PDGFC: variants seen among roughly 807,000 people sequenced by gnomAD.
PDGFC encodes platelet-derived growth factor C.
Under a neutral mutation model 35.5 loss-of-function variants are expected in PDGFC, and 12 were observed. The ratio of observed to expected loss-of-function variants is 0.34; its 90% CI spans 0.22 to 0.55. The LOEUF is 0.55. PDGFC is among the 20% of genes least tolerant of loss of function. The pLI is 0.91. For missense variants in PDGFC, 322 were observed against 412.4 expected (o/e 0.78, Z 1.90); for synonymous variants, 159 against 148.8 (o/e 1.07, Z -0.50).
chr4:156,965,074 G>A (rs1319099209), intron 1 of PDGFC, among the ~76,000 whole-genome samples: 1 of 152,096 alleles, frequency 6.6e-6, no homozygotes, highest in African/African-American at 2.4e-5. Flanking sequence ...CTGCTCACTT[G>A]GTAACATAAT....
chr4:156,889,533 C>T (rs1169555776), intron 1 of PDGFC, among the ~76,000 whole-genome samples: 1 of 152,180 alleles, frequency 6.6e-6, no homozygotes, highest in Non-Finnish European at 1.5e-5. Context: ...AATTGCCATA[C>T]TGCGTTTCTT....
intron 2 of PDGFC, among the ~76,000 whole-genome samples, chr4:156,846,458 G>A (rs1259133633): frequency 6.6e-6 from 1 of 151,600 alleles, no homozygotes; most frequent in Non-Finnish European, 1.5e-5. Flanking sequence ...TCTGTAGAAT[G>A]GTCAGGAATT....
intron 1 of PDGFC, among the ~76,000 whole-genome samples, chr4:156,868,444 A>C (rs935470191): frequency 2.6e-5 from 4 of 152,216 alleles, no homozygotes; most frequent in African/African-American, 9.6e-5. Flanking sequence ...ACCAACATTT[A>C]AAACAACAAA....
At chr4:156,902,944 A>C (rs1730825030) in intron 1 of PDGFC, among the ~76,000 whole-genome samples, 1 of 152,208 alleles carries the variant, frequency 6.6e-6, no homozygotes, top group Admixed American at 6.5e-5. Context: ...TTGGATAAAT[A>C]AAATATCTAG....
At chr4:156,932,465 T>C (rs1397139213) in intron 1 of PDGFC, among the ~76,000 whole-genome samples, 1 of 152,152 alleles carries the variant, frequency 6.6e-6, no homozygotes, top group Non-Finnish European at 1.5e-5. Flanking sequence ...ATTGTGGCAC[T>C]ATTCACAATA....
chr4:156,902,244 A>G (rs1244036203), intron 1 of PDGFC, among the ~76,000 whole-genome samples: 1 of 152,212 alleles, frequency 6.6e-6, no homozygotes, highest in African/African-American at 2.4e-5. Flanking sequence ...CAAATATTTC[A>G]AACAAATAGA....
chr4:156,913,724 T>G (rs1731095326), intron 1 of PDGFC, among the ~76,000 whole-genome samples: 1 of 152,148 alleles, frequency 6.6e-6, no homozygotes, highest in Non-Finnish European at 1.5e-5. Context: ...GGATATGAAG[T>G]GCCTCTCCTC....
chr4:156,902,337 G>A (rs1388186252), intron 1 of PDGFC, among the ~76,000 whole-genome samples: 1 of 152,118 alleles, frequency 6.6e-6, no homozygotes, highest in Non-Finnish European at 1.5e-5. Context: ...ATTTGCTTCA[G>A]AATTTTAAAA....
At chr4:156,927,704 AC>A (rs1731447567) in intron 1 of PDGFC, among the ~76,000 whole-genome samples, 2 of 152,092 alleles carry the variant, frequency 1.3e-5, no homozygotes, top group African/African-American at 4.8e-5. Context: ...TTTTGGCCAA[AC>A]CATTCAATGA....
intron 3 of PDGFC, among the ~76,000 whole-genome samples, chr4:156,775,241 G>GT (rs1269260930): frequency 2.0e-5 from 3 of 152,060 alleles, no homozygotes; most frequent in Non-Finnish European, 4.4e-5. Flanking sequence ...AATTTATGGT[G>GT]TAAAAAGTTA....
chr4:156,784,683 C>T (rs1034371537), intron 3 of PDGFC, among the ~76,000 whole-genome samples: 4 of 151,842 alleles, frequency 2.6e-5, no homozygotes, highest in African/African-American at 9.7e-5. Context: ...GAAAAGAAGG[C>T]CAATGAATAA....
At chr4:156,832,942 C>T (rs993973166) in intron 2 of PDGFC, among the ~76,000 whole-genome samples, 4 of 152,082 alleles carry the variant, frequency 2.6e-5, no homozygotes, top group East Asian at 1.9e-4. Context: ...TTCTGGCTTA[C>T]GGGTTGGTAT....
At chr4:156,884,462 A>C (rs2111178732) in intron 1 of PDGFC, among the ~76,000 whole-genome samples, 1 of 152,310 alleles carries the variant, frequency 6.6e-6, no homozygotes, top group Non-Finnish European at 1.5e-5. Context: ...GCCTGAAGAA[A>C]ACTCTGACTC....
At chr4:156,823,122 G>A (rs1181788166) in intron 2 of PDGFC, among the ~76,000 whole-genome samples, 3 of 152,076 alleles carry the variant, frequency 2.0e-5, no homozygotes, top group Admixed American at 6.5e-5. Context: ...GTCACTACTG[G>A]CCAGGGACAG....
At chr4:156,799,429 T>G (rs964477430) in intron 3 of PDGFC, among the ~76,000 whole-genome samples, 1 of 152,196 alleles carries the variant, frequency 6.6e-6, no homozygotes, top group Non-Finnish European at 1.5e-5. Flanking sequence ...CTTAGATTTG[T>G]GTTTTCTCCT....
chr4:156,939,778 T>C (rs1028695911), intron 1 of PDGFC, among the ~76,000 whole-genome samples: 1 of 152,100 alleles, frequency 6.6e-6, no homozygotes, highest in Non-Finnish European at 1.5e-5. Flanking sequence ...GCCTTAAATA[T>C]TACCCAGATA....
chr4:156,964,163 T>G (rs1270898576), intron 1 of PDGFC, among the ~76,000 whole-genome samples: 1 of 151,854 alleles, frequency 6.6e-6, no homozygotes, highest in African/African-American at 2.4e-5. Flanking sequence ...TACTGTTAAA[T>G]GAAATGTTAA....
chr4:156,920,382 A>T (rs1731244636), intron 1 of PDGFC, among the ~76,000 whole-genome samples: 1 of 152,162 alleles, frequency 6.6e-6, no homozygotes, highest in Non-Finnish European at 1.5e-5. Context: ...TAATAACACC[A>T]TTTCTACAGA....
chr4:156,861,281 G>C (rs1729704261), intron 1 of PDGFC: 3 of 252,472 alleles, frequency 1.2e-5, no homozygotes, highest in South Asian at 8.3e-5. Flanking sequence ...TCATGTTGAA[G>C]AATCAGATAA....
Sources: allele counts gnomAD v4.1 joint callset (sites outside exome capture counted in the v4.1 genomes callset), GRCh38; gene constraint gnomAD v4.1.1; transcripts MANE v1.5; gene names NCBI Gene and HGNC (gene_info 2026-07-23, HGNC 2026-07-21).